The following PCDHA2 variants were observed in gnomAD, a reference collection of about 807,000 sequenced individuals.
The protein encoded by PCDHA2 is protocadherin alpha 2.
Under a neutral mutation model 66.0 loss-of-function variants are expected in PCDHA2, and 58 were observed. The observed-to-expected ratio is 0.88, with a 90% CI of 0.71 to 1.09. The LOEUF (loss-of-function observed/expected upper bound fraction) is 1.09. Among genes scored for constraint, PCDHA2 ranks in the 50% least tolerant of loss-of-function variants. The pLI is 0.00. For synonymous variants in PCDHA2, 634 were observed against 554.0 expected (o/e 1.14, Z -2.03); for missense variants, 1,267 against 1,242.3 (o/e 1.02, Z -0.30).
At chr5:140,831,064 T>C (rs957849785) in intron 1 of PCDHA2, 1 of 152,230 alleles carries the variant, frequency 6.6e-6, no homozygotes, top group Non-Finnish European at 1.5e-5. Context: ...TGTCCCCCTT[T>C]TAAACCATTG....
At chr5:140,822,873 G>C (rs1304817272) in intron 1 of PCDHA2, 51 of 1,614,094 alleles carry the variant, frequency 3.2e-5, no homozygotes, top group African/African-American at 6.7e-5. Context: ...CACTCAGCAC[G>C]GTCATTGCTC....
intron 1 of PCDHA2, among the ~76,000 whole-genome samples, chr5:140,905,413 A>T (rs2071819141): frequency 6.6e-6 from 1 of 152,180 alleles, no homozygotes; most frequent in South Asian, 2.1e-4. Flanking sequence ...TTATACCAGT[A>T]CCATGCTGGT....
At chr5:140,967,643 A>G in intron 1 of PCDHA2, 1 of 1,614,164 alleles carries the variant, frequency 6.2e-7, no homozygotes, top group East Asian at 2.2e-5. Flanking sequence ...TGGTGAGCTC[A>G]GGTACTCCTT....
At chr5:140,863,211 C>G in intron 1 of PCDHA2, 5 of 1,030,298 alleles carry the variant, frequency 4.9e-6, no homozygotes, top group Non-Finnish European at 7.2e-6. Context: ...CGGAGAGCAG[C>G]CAAGCGAGGA....
At chr5:140,855,786 GAATT>G (rs2043624411) in intron 1 of PCDHA2, 1 of 434,404 alleles carries the variant, frequency 2.3e-6, no homozygotes, top group Non-Finnish European at 4.1e-6. Context: ...CGTAAAAAAA[GAATT>G]AACATATGAA....
intron 1 of PCDHA2, among the ~76,000 whole-genome samples, chr5:140,800,460 T>C (rs1554121138): frequency 6.6e-6 from 1 of 152,206 alleles, no homozygotes; most frequent in African/African-American, 2.4e-5. Context: ...TAGATATATG[T>C]ATGTTTTAAT....
At chr5:141,003,832 G>C (rs1261830894) in intron 3 of PCDHA2, among the ~76,000 whole-genome samples, 1 of 152,102 alleles carries the variant, frequency 6.6e-6, no homozygotes, top group Non-Finnish European at 1.5e-5. Flanking sequence ...TCTGCCTAAC[G>C]ATTCAGACCC....
chr5:140,820,224 A>G lies in PCDHA2; in HGVS notation c.2388+22872A>G, dbSNP rs148146018. The stretch of plus-strand genomic sequence containing the variant: ...ACGATCCAAATATTAGTGAAAAGTC[A>G]TGATAATAGAGATAGTAAAAATCTT... On this transcript the variant is annotated intron_variant, in intron 1 of 3. Coordinates refer to ENST00000526136, the MANE Select transcript of PCDHA2 (RefSeq NM_018905.3). 1.9e-3 allele frequency among the ~76,000 whole-genome samples: 290 copies of G among 152,128 alleles called. 1 individual carries two copies. The highest frequency in any genetic ancestry group is 6.5e-3 in the African/African-American group (271 of 41,580).
At chr5:140,857,506 C>A in intron 1 of PCDHA2, 2 of 1,598,276 alleles carry the variant, frequency 1.3e-6, no homozygotes, top group Non-Finnish European at 1.7e-6. Flanking sequence ...CGCAGGAGAA[C>A]GCCCTGGTGT....
chr5:140,846,705 G>C (rs1780632800), intron 1 of PCDHA2, among the ~76,000 whole-genome samples: 1 of 149,364 alleles, frequency 6.7e-6, no homozygotes, highest in Admixed American at 6.7e-5. Context: ...AGAGAAGATT[G>C]TAATAACCAG....
rs782143326 is a variant in PCDHA2, at chr5:140,795,401, G to A, written c.437G>A (p.Arg146Lys). ...AAGACTATCCGGTTTCCCGAATCAA[G>A]GCTGCTTGATTCTCGGTTTCCTCTA... ...TVKTIRFPES[R>K]LLDSRFPLEG... is the part of the protein sequence containing the mutation. The change falls in exon 1 of 4, where the codon AGG (arginine) becomes AAG (lysine). Residue 146 changes from arginine to lysine, a missense_variant. Transcript: ENST00000526136. 5 of 1,614,186 alleles carry A rather than the reference G, an allele frequency of 3.1e-6. No individual in the cohort carries two copies. Among genetic ancestry groups the A allele is most frequent in the Non-Finnish European group, 4.2e-6 (5 of 1,180,042 alleles).
Position 140,808,709 on chromosome 5 carries a change from G to A in PCDHA2, c.2388+11357G>A, listed in dbSNP as rs782467255. 2.0e-5 allele frequency: 33 copies of A among 1,612,114 alleles called. No individual in the cohort carries two copies. Among genetic ancestry groups the A allele is most frequent in the Non-Finnish European group, 1.9e-5 (22 of 1,179,820 alleles). On this transcript the variant is annotated intron_variant, in intron 1 of 3. Coordinates refer to ENST00000526136, the MANE Select transcript of PCDHA2 (RefSeq NM_018905.3). ...AGGGGAGCGCGCGCTGTCGAGCTAC[G>A]TTTCGGTGCATGCGGAGAGCGGCAA...
intron 1 of PCDHA2, chr5:140,805,613 G>T (rs1554123423): frequency 1.1e-6 from 1 of 911,990 alleles, no homozygotes; most frequent in Non-Finnish European, 1.3e-6. Context: ...ATTTCTTTAT[G>T]TAAGAAAATG....
intron 1 of PCDHA2, chr5:140,843,264 T>C (rs1188408324): frequency 6.3e-7 from 1 of 1,595,962 alleles, no homozygotes; most frequent in Admixed American, 1.7e-5. Flanking sequence ...CACCGTCTGC[T>C]GGTCCTGGTG....
chr5:140,849,958 C>A (rs2041255697), intron 1 of PCDHA2: 1 of 1,597,774 alleles, frequency 6.3e-7, no homozygotes, highest in East Asian at 2.2e-5. Flanking sequence ...CAGGAGAACG[C>A]CCTGGTGTCC....
rs1554143145 is a variant in PCDHA2 at position 140,849,656 on chromosome 5, C to T, written c.2388+52304C>T. The T allele has an allele frequency of 2.4e-5, 38 of 1,598,658 alleles. 2 individuals are homozygous for T. Among genetic ancestry groups the T allele is most frequent in the Non-Finnish European group, 3.2e-5 (37 of 1,168,036 alleles). On this transcript the variant is annotated intron_variant, in intron 1 of 3. Transcript: ENST00000526136. The stretch of plus-strand genomic sequence containing the variant: ...CAGATGCCAACGGGCAGGTTACCTG[C>T]TCCCTGACGCCCCACGTCCCCTTCA...
intron 1 of PCDHA2, chr5:140,870,262 T>C (rs2051814541): frequency 6.2e-7 from 1 of 1,614,182 alleles, no homozygotes; most frequent in Non-Finnish European, 8.5e-7. Context: ...GGTGACCTGC[T>C]CGCTGACGCC....
chr5:140,927,621 A>G (rs141117468), intron 1 of PCDHA2: 25 of 1,614,198 alleles, frequency 1.5e-5, no homozygotes, highest in Middle Eastern at 3.3e-4. Context: ...CCAAGGTTCC[A>G]GAGACTGCAC....
In PCDHA2 at chr5:140,870,550, G is replaced by A. The variant is rs371515299; in HGVS notation, c.2388+73198G>A. On this transcript the variant is annotated intron_variant, in intron 1 of 3. Transcript: ENST00000526136. ...CACAGTGTCGGCGCGGGACGCGGAC[G>A]CGCAGGAGAACGCGCTGGTGTCCTA... 3.1e-6 allele frequency: 5 copies of A among 1,614,066 alleles called. No homozygotes were observed. In the African/African-American group the frequency reaches 6.7e-5, roughly 22 times the overall value.
Sources: gnomAD v4.1 joint callset for allele counts (sites outside exome capture counted in the v4.1 genomes callset) on GRCh38, gnomAD v4.1.1 for gene constraint, MANE v1.5 for transcripts, NCBI Gene and HGNC (gene_info 2026-07-23, HGNC 2026-07-21) for gene names.